The following HLCS variants were observed in gnomAD, a reference collection of about 807,000 sequenced individuals.
HLCS encodes holocarboxylase synthetase.
HLCS carries 53 observed loss-of-function variants against 75.0 expected under a neutral mutation model. The observed-to-expected ratio is 0.71, with a 90% confidence interval of 0.57 to 0.89. HLCS has a LOEUF of 0.89. HLCS is among the 40% of genes least tolerant of loss of function. The pLI, the probability that HLCS is intolerant of heterozygous loss-of-function variation, is 0.00. For synonymous variants in HLCS, 431 were observed against 428.6 expected (o/e 1.01, Z -0.07); for missense variants, 966 against 1,074.0 (o/e 0.90, Z 1.41).
At chr21:36,939,794 G>A (rs2067060150) in intron 2 of HLCS, among the ~76,000 whole-genome samples, 1 of 152,152 alleles carries the variant, frequency 6.6e-6, no homozygotes, top group African/African-American at 2.4e-5. Flanking sequence ...GGGGTCTGAG[G>A]CCGAGTCAAA....
chr21:36,973,534 G>C (rs1032840169), intron 1 of HLCS: 1 of 152,118 alleles, frequency 6.6e-6, no homozygotes, highest in Non-Finnish European at 1.5e-5. Flanking sequence ...CTGGAATTCT[G>C]GGCTCTACCC....
intron 5 of HLCS, among the ~76,000 whole-genome samples, chr21:36,916,072 C>CATG (rs1290467430): frequency 6.6e-6 from 1 of 152,124 alleles, no homozygotes; most frequent in Non-Finnish European, 1.5e-5. Flanking sequence ...AATCAGCTTG[C>CATG]ATGACAGTTT....
At chr21:36,806,331 C>T (rs2061359050) in intron 6 of HLCS, 1 of 152,150 alleles carries the variant, frequency 6.6e-6, no homozygotes, top group South Asian at 2.1e-4. Context: ...TGCCCTGGCC[C>T]ACAGTGTGGT....
At chr21:36,803,064 A>G (rs1055425767) in intron 6 of HLCS, among the ~76,000 whole-genome samples, 32 of 152,200 alleles carry the variant, frequency 2.1e-4, no homozygotes, top group African/African-American at 7.0e-4. Context: ...CTAGACATGA[A>G]ACCCATGTGG....
Position 36,754,017 on chromosome 21 carries a change from G to A in HLCS, c.*229C>T. The A allele has an allele frequency of 1.7e-6, 1 of 584,756 alleles. No homozygotes were observed. Among genetic ancestry groups the A allele is most frequent in the Non-Finnish European group, 3.0e-6 (1 of 329,934 alleles). The allele number at this position is 584,756 out of a possible 1,614,324, so 36.2% of individuals were successfully genotyped here. ...GGGGAGAGCAATTTCCCACCTGTGG[G>A]AGGGCTTTCCCTAAACTAAATTTTC... On this transcript the variant is annotated 3_prime_UTR_variant, in exon 11 of 11. Coordinates refer to ENST00000674895, the MANE Select transcript of HLCS (RefSeq NM_001352514.2).
At chr21:36,796,660 G>T (rs1184674128) in intron 6 of HLCS, among the ~76,000 whole-genome samples, 1 of 152,068 alleles carries the variant, frequency 6.6e-6, no homozygotes, top group African/African-American at 2.4e-5. Context: ...AACATTATCG[G>T]GGCCACTAAC....
intron 7 of HLCS, among the ~76,000 whole-genome samples, chr21:36,766,620 G>A (rs998272606): frequency 1.3e-5 from 2 of 152,334 alleles, no homozygotes; most frequent in South Asian, 2.1e-4. Context: ...CTGGAGCAGG[G>A]AGGGGCCAAG....
chr21:36,882,268 C>T (rs1239641857), intron 6 of HLCS, among the ~76,000 whole-genome samples: 2 of 151,004 alleles, frequency 1.3e-5, no homozygotes, highest in African/African-American at 2.4e-5. Flanking sequence ...GGTGACAGAG[C>T]GAGACTTCGT....
Position 36,760,864 on chromosome 21 carries a change from T to C in HLCS, c.2122-1023A>G, listed in dbSNP as rs575744698. ...CTGCCTATCCACTGTGACTCTGAAG[T>C]TGGGACACAGAGACGGGGCTAGCCG... On this transcript the variant is annotated intron_variant, in intron 8 of 10. Transcript: ENST00000674895. Among the ~76,000 whole-genome samples, 4 of 152,194 alleles carry C rather than the reference T, an allele frequency of 2.6e-5. No individual in the cohort carries two copies. The East Asian group carries it at 7.7e-4, about 29-fold the overall frequency.
intron 2 of HLCS, among the ~76,000 whole-genome samples, chr21:36,961,264 A>C (rs181882092): frequency 6.6e-6 from 1 of 152,356 alleles, no homozygotes; most frequent in East Asian, 1.9e-4. Context: ...TTTAGGAAGC[A>C]AGAAATTGTA....
chr21:36,905,799 C>A (rs2065424208), intron 5 of HLCS, among the ~76,000 whole-genome samples: 1 of 152,074 alleles, frequency 6.6e-6, no homozygotes, highest in African/African-American at 2.4e-5. Context: ...CGTCTGTAAT[C>A]CCAGCCCTTT....
chr21:36,851,685 G>A (rs1468249955), intron 6 of HLCS, among the ~76,000 whole-genome samples: 1 of 152,168 alleles, frequency 6.6e-6, no homozygotes, highest in Non-Finnish European at 1.5e-5. Context: ...TAATTGGATT[G>A]TTTGTAACAC....
intron 6 of HLCS, among the ~76,000 whole-genome samples, chr21:36,864,133 C>T (rs1362358381): frequency 5.3e-5 from 8 of 152,316 alleles, no homozygotes; most frequent in African/African-American, 1.9e-4. Context: ...GGTTTCGTGG[C>T]TCATGCCTGT....
intron 6 of HLCS, among the ~76,000 whole-genome samples, chr21:36,803,323 T>C (rs1374617921): frequency 2.0e-5 from 3 of 152,256 alleles, no homozygotes; most frequent in Non-Finnish European, 2.9e-5. Flanking sequence ...CCATGGTCTC[T>C]GCCTAGAGAG....
chr21:36,783,816 T>C (rs1175598983), intron 6 of HLCS, among the ~76,000 whole-genome samples: 3 of 140,990 alleles, frequency 2.1e-5, no homozygotes, highest in African/African-American at 7.7e-5. Context: ...CACACACACA[T>C]GCACATACAC....
intron 6 of HLCS, among the ~76,000 whole-genome samples, chr21:36,886,259 G>A (rs1418141407): frequency 3.3e-5 from 5 of 151,498 alleles, no homozygotes; most frequent in East Asian, 1.9e-4. Flanking sequence ...GTGAAACCCC[G>A]TCTCTACTAA....
chr21:36,867,591 T>C (rs970861000), intron 6 of HLCS, among the ~76,000 whole-genome samples: 8 of 152,214 alleles, frequency 5.3e-5, no homozygotes, highest in African/African-American at 1.9e-4. Flanking sequence ...TCCACTCCTT[T>C]GTCTTATCTG....
At chr21:36,850,385 C>T (rs2062950937) in intron 6 of HLCS, among the ~76,000 whole-genome samples, 1 of 152,212 alleles carries the variant, frequency 6.6e-6, no homozygotes, top group African/African-American at 2.4e-5. Context: ...TAGAATTCAG[C>T]AGGCTGTAGG....
chr21:36,895,139 C>T (rs533100336), intron 6 of HLCS, among the ~76,000 whole-genome samples: 29 of 152,190 alleles, frequency 1.9e-4, no homozygotes, highest in African/African-American at 6.5e-4. Flanking sequence ...GGCAATGACA[C>T]GAAATATTCT....
Sources: allele counts gnomAD v4.1 joint callset (sites outside exome capture counted in the v4.1 genomes callset), GRCh38; gene constraint gnomAD v4.1.1; transcripts MANE v1.5; gene names NCBI Gene and HGNC (gene_info 2026-07-23, HGNC 2026-07-21).